The following DSCAM variants were observed in gnomAD, a reference collection of about 807,000 sequenced individuals.
DSCAM encodes DS cell adhesion molecule.
Under a neutral mutation model 217.7 loss-of-function variants are expected in DSCAM, and 47 were observed. The ratio of observed to expected loss-of-function variants is 0.22; its 90% CI spans 0.17 to 0.28. The LOEUF (loss-of-function observed/expected upper bound fraction) is 0.28, where lower values mean the gene tolerates loss of function less well. Ranked by LOEUF, DSCAM falls within the 10% of genes least tolerant of loss-of-function variation. The pLI is 1.00. For missense variants in DSCAM, 2,080 were observed against 2,618.3 expected (o/e 0.79, Z 4.49); for synonymous variants, 1,056 against 1,015.3 (o/e 1.04, Z -0.76).
In DSCAM at chr21:40,105,734, T is replaced by C. The variant is rs149992218; in HGVS notation, c.3697-11860A>G. Among the ~76,000 whole-genome samples, 88 of 152,284 alleles carry C rather than the reference T, an allele frequency of 5.8e-4. 1 individual carries two copies. In the East Asian group the frequency reaches 0.013, roughly 22 times the overall value. Reference sequence around the variant, plus strand: ...GGGAAAAAAGACCACTATTAAATGATAAACTTATAAAAAACAACATCGACT... The same window carrying C: ...GGGAAAAAAGACCACTATTAAATGACAAACTTATAAAAAACAACATCGACT... On this transcript the variant is annotated intron_variant, in intron 20 of 32. Transcript: ENST00000400454.
intron 30 of DSCAM, among the ~76,000 whole-genome samples, chr21:40,050,416 T>C (rs879504820): frequency 1.1e-4 from 17 of 151,416 alleles, no homozygotes; most frequent in Non-Finnish European, 5.9e-5. Flanking sequence ...TGTCTTGGAG[T>C]AGCAGCAAGC....
At chr21:40,409,684 G>A (rs2075306523) in intron 3 of DSCAM, among the ~76,000 whole-genome samples, 1 of 152,200 alleles carries the variant, frequency 6.6e-6, no homozygotes, top group African/African-American at 2.4e-5. Context: ...GCAAGTCAGT[G>A]AAAGTATGTC....
At chr21:40,408,479 C>T (rs1460952939) in intron 3 of DSCAM, among the ~76,000 whole-genome samples, 1 of 152,132 alleles carries the variant, frequency 6.6e-6, no homozygotes, top group Non-Finnish European at 1.5e-5. Context: ...ACGAGATCAT[C>T]TGGGCATCAC....
intron 20 of DSCAM, among the ~76,000 whole-genome samples, chr21:40,101,010 C>T (rs1373688205): frequency 2.6e-5 from 4 of 152,192 alleles, no homozygotes; most frequent in Non-Finnish European, 4.4e-5. Flanking sequence ...AATACAGAAA[C>T]AGCCAACATT....
intron 11 of DSCAM, among the ~76,000 whole-genome samples, chr21:40,266,868 T>C (rs2073544453): frequency 6.7e-6 from 1 of 148,680 alleles, no homozygotes; most frequent in Non-Finnish European, 1.5e-5. Flanking sequence ...AATAATGTCT[T>C]TTGCAGCAAC....
Position 40,012,931 on chromosome 21 carries a change from G to T in DSCAM, c.*103C>A. ...TCTTTTTTTTTTTTAATATATTTTGGCAATTTTCTTTAATTATAAATATTG... is the reference window on the plus strand; with the variant it reads ...TCTTTTTTTTTTTTAATATATTTTGTCAATTTTCTTTAATTATAAATATTG... On this transcript the variant is annotated 3_prime_UTR_variant, in exon 33 of 33. Coordinates refer to ENST00000400454, the MANE Select transcript of DSCAM (RefSeq NM_001389.5). The T allele has an allele frequency of 9.7e-6, 8 of 822,286 alleles. No homozygotes were observed. Among genetic ancestry groups the T allele is most frequent in the Non-Finnish European group, 1.2e-5 (7 of 599,798 alleles). 50.9% of individuals were successfully genotyped at this position (822,286 alleles called of 1,614,324 possible). A position where few individuals can be genotyped will look rare whatever the true frequency, so the allele number is the denominator to read the frequency against.
chr21:40,180,161 A>C (rs1018607499), intron 14 of DSCAM, among the ~76,000 whole-genome samples: 1 of 152,242 alleles, frequency 6.6e-6, no homozygotes, highest in Non-Finnish European at 1.5e-5. Context: ...ATGAATGTTT[A>C]ATAGAGGAAC....
At chr21:40,224,762 G>A (rs1030477774) in intron 11 of DSCAM, among the ~76,000 whole-genome samples, 1 of 152,122 alleles carries the variant, frequency 6.6e-6, no homozygotes, top group Non-Finnish European at 1.5e-5. Context: ...CAGAGACACT[G>A]CATCCTCTCA....
At chr21:40,445,896 ATTACC>A (rs2075670873) in intron 3 of DSCAM, among the ~76,000 whole-genome samples, 1 of 152,208 alleles carries the variant, frequency 6.6e-6, no homozygotes, top group African/African-American at 2.4e-5. Context: ...ATAAGACTCT[ATTACC>A]TTCAATGCAA....
At chr21:40,450,950 GAT>G (rs1344282130) in intron 3 of DSCAM, among the ~76,000 whole-genome samples, 1 of 152,210 alleles carries the variant, frequency 6.6e-6, no homozygotes, top group African/African-American at 2.4e-5. Context: ...TCCTGCTCAA[GAT>G]ATGTTCTGTT....
At chr21:40,512,079 G>A (rs1326464209) in intron 3 of DSCAM, among the ~76,000 whole-genome samples, 2 of 151,550 alleles carry the variant, frequency 1.3e-5, no homozygotes, top group South Asian at 2.1e-4. Flanking sequence ...AATGAGAAAG[G>A]CAAGGGAGAT....
intron 3 of DSCAM, among the ~76,000 whole-genome samples, chr21:40,503,336 A>G (rs1334337494): frequency 2.0e-5 from 3 of 152,222 alleles, no homozygotes; most frequent in South Asian, 2.1e-4. Flanking sequence ...TTAGTACCAG[A>G]TGAGTATCAG....
At chr21:40,721,693 G>A (rs553665053) in intron 1 of DSCAM, among the ~76,000 whole-genome samples, 8 of 152,088 alleles carry the variant, frequency 5.3e-5, no homozygotes, top group Admixed American at 3.3e-4. Context: ...GGCCAATATC[G>A]TTTGGCCTAA....
At chr21:40,700,252 C>T (rs1019606514) in intron 2 of DSCAM, among the ~76,000 whole-genome samples, 3 of 152,192 alleles carry the variant, frequency 2.0e-5, no homozygotes, top group African/African-American at 7.2e-5. Flanking sequence ...GTGGTGAGAG[C>T]ATACACTTTG....
At chr21:40,265,378 G>A (rs73369829) in intron 11 of DSCAM, among the ~76,000 whole-genome samples, 6,131 of 151,976 alleles carry the variant, frequency 0.04, 350 homozygotes, top group East Asian at 0.22. Context: ...AACATCCCAT[G>A]TTCATAGATT....
chr21:40,247,500 G>A (rs2073242505), intron 11 of DSCAM, among the ~76,000 whole-genome samples: 1 of 152,182 alleles, frequency 6.6e-6, no homozygotes, highest in African/African-American at 2.4e-5. Flanking sequence ...CCCCATGAAA[G>A]CCCACAATCC....
At chr21:40,319,691 ACACTGTACGGGGTTC>A (rs1316463326) in intron 8 of DSCAM, among the ~76,000 whole-genome samples, 1 of 152,192 alleles carries the variant, frequency 6.6e-6, no homozygotes, top group African/African-American at 2.4e-5. Context: ...ATCCCCACCA[ACACTGTACGGGGTTC>A]CATTTTCTCC....
chr21:40,616,920 GGC>G (rs1340779156), intron 3 of DSCAM, among the ~76,000 whole-genome samples: 7 of 149,212 alleles, frequency 4.7e-5, no homozygotes, highest in African/African-American at 1.7e-4. Context: ...GGGAGGCTGA[GGC>G]AGGAGAGTGG....
chr21:40,397,820 C>T (rs1233473115), intron 3 of DSCAM, among the ~76,000 whole-genome samples: 1 of 152,032 alleles, frequency 6.6e-6, no homozygotes, highest in Non-Finnish European at 1.5e-5. Flanking sequence ...GCTACCACCC[C>T]TACTATCATC....
Sources: gnomAD v4.1 joint callset for allele counts (sites outside exome capture counted in the v4.1 genomes callset) on GRCh38, gnomAD v4.1.1 for gene constraint, MANE v1.5 for transcripts, NCBI Gene and HGNC (gene_info 2026-07-23, HGNC 2026-07-21) for gene names.